The following MRPL2 variants were observed in gnomAD, a reference collection of about 807,000 sequenced individuals.
MRPL2 encodes mitochondrial ribosomal protein L2.
In MRPL2, 27 loss-of-function variants were observed where a neutral mutation model predicts 34.6. The observed-to-expected ratio is 0.78, with a 90% confidence interval of 0.58 to 1.08. The LOEUF is 1.08. Among genes scored for constraint, MRPL2 ranks in the 50% least tolerant of loss-of-function variants. MRPL2 has a pLI of 0.00. For synonymous variants in MRPL2, 155 were observed against 158.0 expected (o/e 0.98, Z 0.14); for missense variants, 414 against 419.3 (o/e 0.99, Z 0.11).
upstream of MRPL2, chr6:43,059,530 C>T: frequency 1.4e-6 from 2 of 1,429,146 alleles, no homozygotes; most frequent in South Asian, 1.5e-5. Context: ...TACCTGAACG[C>T]CGTGAGAGCC....
Position 43,054,290 on chromosome 6 carries a change from G to A in MRPL2, c.902C>T (p.Ala301Val), listed in dbSNP as rs761458791. The change falls in exon 7 of 7, where the codon GCT becomes GTT. Residue 301 changes from alanine (A) to valine (V), a missense_variant. Coordinates refer to ENST00000388752, the MANE Select transcript of MRPL2 (RefSeq NM_015950.5). ...ACAGGGATATCAGCTTTGGGCAGAAGCAGAAGGCAGCTTCACGTAACTCTT... is the reference window on the plus strand; with the variant it reads ...ACAGGGATATCAGCTTTGGGCAGAAACAGAAGGCAGCTTCACGTAACTCTT... ...PMKSYVKLPS[A>V]SAQS The A allele has an allele frequency of 1.1e-5, 17 of 1,595,188 alleles. No individual in the cohort carries two copies. Among genetic ancestry groups the A allele is most frequent in the African/African-American group, 1.4e-5 (1 of 72,686 alleles).
intron 5 of MRPL2, 103 bp from the exon 6 acceptor site, chr6:43,055,721 G>C (rs1413827332): frequency 1.4e-6 from 2 of 1,394,224 alleles, no homozygotes; most frequent in Non-Finnish European, 2.0e-6. Flanking sequence ...TGCTCTTTAG[G>C]AGCAGATACA....
At chr6:43,056,775 C>T (rs1198971044) in intron 2 of MRPL2, among the ~76,000 whole-genome samples, 4 of 150,900 alleles carry the variant, frequency 2.7e-5, no homozygotes, top group African/African-American at 9.7e-5. Flanking sequence ...CCCGGGTTCA[C>T]GCCATTCTCC....
chr6:43,059,814 C>T (rs1296566816), upstream of MRPL2: 6 of 1,171,494 alleles, frequency 5.1e-6, no homozygotes, highest in Admixed American at 2.6e-4. Context: ...AAACTCCGCC[C>T]TTCGCGATTC....
At chr6:43,057,819 C>T in intron 2 of MRPL2, 1 of 455,672 alleles carries the variant, frequency 2.2e-6, no homozygotes, top group South Asian at 5.3e-5. Context: ...AATGTCATGG[C>T]ACTTCCTGTG....
intron 6 of MRPL2, 118 bp downstream of exon 6, chr6:43,055,427 A>G: frequency 1.1e-6 from 1 of 899,234 alleles, no homozygotes; most frequent in Non-Finnish European, 1.7e-6. Context: ...AGAAAAGGAC[A>G]GCCTCAGCTC....
chr6:43,059,492 G>A (rs1257399884), upstream of MRPL2: 1 of 1,448,276 alleles, frequency 6.9e-7, no homozygotes, highest in African/African-American at 1.4e-5. Flanking sequence ...GAAAACTGGA[G>A]CCCAAGCTGG....
chr6:43,058,172 A>G lies in MRPL2; in HGVS notation c.158T>C (p.Val53Ala), dbSNP rs939601138. ...SALMLLPCRP[V>A]LTSVALNANF... ...GGCATTAAGGGCCACAGAAGTAAGA[A>G]CTGGGCGGCAGGGGAGCAACATCAA... Residue 53 changes from valine to alanine, a missense_variant, in exon 2 of 7, where the codon GTT (valine) becomes GCT (alanine). Transcript: ENST00000388752. The G allele has an allele frequency of 4.3e-6, 7 of 1,614,118 alleles. No individual in the cohort carries two copies. Among genetic ancestry groups the G allele is most frequent in the African/African-American group, 1.3e-5 (1 of 74,950 alleles).
intron 1 of MRPL2, 171 bp downstream of exon 1, chr6:43,059,115 A>G: frequency 1.3e-6 from 2 of 1,535,598 alleles, no homozygotes; most frequent in South Asian, 1.2e-5. Flanking sequence ...ATTTCGCCCT[A>G]TGAGAAAGCA....
intron 1 of MRPL2, chr6:43,058,935 C>G (rs1198556733): frequency 1.8e-6 from 1 of 571,330 alleles, no homozygotes; most frequent in Non-Finnish European, 3.0e-6. Flanking sequence ...TTTTCCTCAT[C>G]TATAAAATGG....
rs773855963 is a variant in MRPL2 at position 43,056,135 on chromosome 6, T to C, written c.466A>G (p.Asn156Asp). ...SRKRWIIATE[N>D]MQAGDTILNS... ...AAGATTGTATCTCCAGCCTGCATGTTTTCTGTGGCGATGATCCAGCGTTTC... is the reference window on the plus strand; with the variant it reads ...AAGATTGTATCTCCAGCCTGCATGTCTTCTGTGGCGATGATCCAGCGTTTC... The change falls in exon 4 of 7, where the codon AAC (asparagine) becomes GAC (aspartate). Residue 156 changes from asparagine (N) to aspartate (D), a missense_variant. By Grantham distance (23) the Asn-to-Asp change is conservative. Transcript: ENST00000388752. The C allele has an allele frequency of 1.2e-6, 2 of 1,614,082 alleles. No individual in the cohort carries two copies. The highest frequency in any genetic ancestry group is 4.5e-5 in the East Asian group (2 of 44,898).
chr6:43,058,109 A>G lies in MRPL2; in HGVS notation c.221T>C (p.Ile74Thr). The G allele has an allele frequency of 6.2e-7, 1 of 1,614,104 alleles. No homozygotes were observed. Among genetic ancestry groups the G allele is most frequent in the Non-Finnish European group, 8.5e-7 (1 of 1,180,026 alleles). ...VSWKSRTKYT[I>T]TPVKMRKSGG... is the part of the protein sequence containing the mutation. ...AGACTTCCTCATCTTCACTGGTGTA[A>G]TGGTGTACTTGGTACGACTCTTCCA... is the stretch of plus-strand genomic sequence containing the variant. Residue 74 changes from isoleucine to threonine, a missense_variant, in exon 2 of 7, where the codon ATT becomes ACT. Transcript: ENST00000388752.
chr6:43,059,665 A>G (rs372770513), upstream of MRPL2: 20 of 1,345,588 alleles, frequency 1.5e-5, no homozygotes, highest in Middle Eastern at 1.4e-3. Context: ...CAAGAGCGGC[A>G]GCCACACCGG....
At position 43,059,387 on chromosome 6, in the gene MRPL2, C is replaced by T. The variant is rs1415789090; in HGVS notation, c.-6G>A. The T allele has an allele frequency of 1.9e-6, 3 of 1,542,476 alleles. No homozygotes were observed. The highest frequency in any genetic ancestry group is 1.8e-6 in the Non-Finnish European group (2 of 1,140,906). ...GTCAGTGCGCACAGGGCCATCAGCA[C>T]GACACCCTTACTTTTAGCCAAGCTG... On this transcript the variant is annotated 5_prime_UTR_variant, in exon 1 of 7. It adds an upstream start codon to the 5' untranslated region. Coordinates refer to ENST00000388752, the MANE Select transcript of MRPL2 (RefSeq NM_015950.5).
chr6:43,059,382 C>A lies in MRPL2; in HGVS notation c.-1G>T. Reference sequence around the variant, plus strand: ...CGCGGGTCAGTGCGCACAGGGCCATCAGCACGACACCCTTACTTTTAGCCA... The same window carrying A: ...CGCGGGTCAGTGCGCACAGGGCCATAAGCACGACACCCTTACTTTTAGCCA... On this transcript the variant is annotated 5_prime_UTR_variant, in exon 1 of 7. Coordinates refer to ENST00000388752, the MANE Select transcript of MRPL2 (RefSeq NM_015950.5). The A allele has an allele frequency of 6.5e-7, 1 of 1,546,846 alleles. No individual in the cohort carries two copies. The highest frequency in any genetic ancestry group is 8.7e-7 in the Non-Finnish European group (1 of 1,143,838).
chr6:43,056,964 C>G (rs1258053240), intron 2 of MRPL2, among the ~76,000 whole-genome samples: 1 of 152,190 alleles, frequency 6.6e-6, no homozygotes, highest in Non-Finnish European at 1.5e-5. Context: ...TGAGCCACTG[C>G]GCCCAGCCAA....
intron 1 of MRPL2, 45 bp downstream of exon 1, chr6:43,059,241 G>A: frequency 6.4e-7 from 1 of 1,551,106 alleles, no homozygotes; most frequent in South Asian, 1.2e-5. Flanking sequence ...CCCATCTCCG[G>A]CAGCCCGAAT....
chr6:43,056,291 C>A lies in MRPL2; in HGVS notation c.404+16G>T. On this transcript the variant is annotated intron_variant, in intron 3 of 6. Transcript: ENST00000388752. ...TATTCAGACCATTCCATCATCATCC[C>A]ACATCCCAAACTTGCCTACAGGGAT... 6.2e-7 allele frequency: 1 copy of A among 1,614,154 alleles called. No individual in the cohort carries two copies. Among genetic ancestry groups the A allele is most frequent in the African/African-American group, 1.3e-5 (1 of 75,042 alleles).
chr6:43,054,249 G>GGA lies in MRPL2; in HGVS notation c.*24_*25insTC, dbSNP rs1764730900. On this transcript the variant is annotated 3_prime_UTR_variant, in exon 7 of 7. Coordinates refer to ENST00000388752, the MANE Select transcript of MRPL2 (RefSeq NM_015950.5). ...GTAACAGATTAAAACGGGGGGGGGG[G>GGA]GCATTTTATTAGAGTACAGGGATAT... 3.5e-5 allele frequency: 48 copies of GGA among 1,378,532 alleles called. No homozygotes were observed. The East Asian group carries it at 1.1e-3, about 33-fold the overall frequency. 85.4% of individuals were successfully genotyped at this position (1,378,532 alleles called of 1,614,324 possible).
Sources: gnomAD v4.1 joint callset for allele counts (sites outside exome capture counted in the v4.1 genomes callset) on GRCh38, gnomAD v4.1.1 for gene constraint, MANE v1.5 for transcripts, NCBI Gene and HGNC (gene_info 2026-07-23, HGNC 2026-07-21) for gene names.